The following KCTD3 variants were observed in gnomAD, a reference collection of about 807,000 sequenced individuals.
KCTD3 encodes potassium channel tetramerization domain containing 3, also known as BTB/POZ domain-containing protein KCTD3.
Under a neutral mutation model 85.8 loss-of-function variants are expected in KCTD3, and 41 were observed. That is an observed-to-expected ratio of 0.48 (90% confidence interval 0.37 to 0.62). The LOEUF (loss-of-function observed/expected upper bound fraction) is 0.62, where lower values mean the gene tolerates loss of function less well. KCTD3 is among the 20% of genes least tolerant of loss of function. KCTD3 has a pLI of 0.00. For synonymous variants in KCTD3, 338 were observed against 345.4 expected, an observed-to-expected ratio of 0.98 and a Z score of 0.24; for missense variants, 724 against 989.9, an observed-to-expected ratio of 0.73 and a Z score of 3.60.
intron 3 of KCTD3, among the ~76,000 whole-genome samples, chr1:215,575,324 A>G (rs1659532814): frequency 6.6e-6 from 1 of 151,926 alleles, no homozygotes; most frequent in African/African-American, 2.4e-5. Flanking sequence ...CCTCTTATGT[A>G]TTCTGTGGTG....
intron 9 of KCTD3, among the ~76,000 whole-genome samples, chr1:215,590,309 T>G (rs1016366770): frequency 3.3e-5 from 5 of 152,300 alleles, no homozygotes; most frequent in Admixed American, 6.5e-5. Context: ...TTTGTAAATG[T>G]TTTTTACATA....
chr1:215,586,297 A>T (rs551675062), intron 8 of KCTD3, among the ~76,000 whole-genome samples, 198 bp from the exon 9 acceptor site: 1 of 152,338 alleles, frequency 6.6e-6, no homozygotes, highest in East Asian at 1.9e-4. Context: ...GCAAGTATAC[A>T]ATACCCCAAG....
Position 215,619,227 on chromosome 1 carries a change from A to C in KCTD3, c.1822A>C (p.Thr608Pro). Residue 608 changes from threonine (T) to proline (P), a missense_variant, in exon 17 of 18, where the codon ACT becomes CCT. Thr to Pro is a conservative substitution (Grantham distance 38). Transcript: ENST00000259154. ...QCDLSTSRCA[T>P]PNISPATSVV... Reference sequence around the variant, plus strand: ...TGATTTGAGCACATCTCGCTGTGCTACTCCTAACATCAGTCCAGCAACTTC... The same window carrying C: ...TGATTTGAGCACATCTCGCTGTGCTCCTCCTAACATCAGTCCAGCAACTTC... The C allele has an allele frequency of 6.2e-7, 1 of 1,613,396 alleles. No homozygotes were observed. Among genetic ancestry groups the C allele is most frequent in the East Asian group, 2.2e-5 (1 of 44,880 alleles).
chr1:215,620,586 A>G lies in KCTD3; in HGVS notation c.2416A>G (p.Ser806Gly). The change falls in exon 18 of 18, where the codon AGT (serine) becomes GGT (glycine). Residue 806 changes from serine to glycine, a missense_variant. Transcript: ENST00000259154. Reference sequence around the variant, plus strand: ...TACTCCATCTCCTCGGCATAAAAAAAGTGATTCTTCAGGTCAGGAGTACAG... The same window carrying G: ...TACTCCATCTCCTCGGCATAAAAAAGGTGATTCTTCAGGTCAGGAGTACAG... ...KTTPSPRHKK[S>G]DSSGQEYSL The G allele has an allele frequency of 6.2e-7, 1 of 1,607,416 alleles. No individual in the cohort carries two copies. The highest frequency in any genetic ancestry group is 8.5e-7 in the Non-Finnish European group (1 of 1,177,662).
intron 15 of KCTD3, among the ~76,000 whole-genome samples, chr1:215,617,448 T>G (rs760347795): frequency 3.3e-5 from 5 of 152,150 alleles, no homozygotes; most frequent in Non-Finnish European, 7.4e-5. Flanking sequence ...GACACTTAGC[T>G]GGTGTCTGCT....
Position 215,619,019 on chromosome 1 carries a change from A to G in KCTD3, c.1696A>G (p.Met566Val). 6.2e-7 allele frequency: 1 copy of G among 1,613,958 alleles called. No individual in the cohort carries two copies. Residue 566 changes from methionine (M) to valine (V), a missense_variant, in exon 16 of 18, where the codon ATG becomes GTG. Coordinates refer to ENST00000259154, the MANE Select transcript of KCTD3 (RefSeq NM_016121.5). ...FTGHTNGSIQ[M>V]WDLTTAMDMV... is the part of the protein sequence containing the mutation. The stretch of plus-strand genomic sequence containing the variant: ...AGGCCATACAAATGGCAGTATTCAA[A>G]TGTGGGATCTGACCACTGCTATGGA...
In KCTD3 at chr1:215,620,214, A is replaced by G. The variant is rs764130996; in HGVS notation, c.2044A>G (p.Arg682Gly). 3.5e-5 allele frequency: 57 copies of G among 1,613,790 alleles called. No individual in the cohort carries two copies. Among genetic ancestry groups the G allele is most frequent in the East Asian group, 8.9e-5 (4 of 44,868 alleles). Residue 682 changes from arginine to glycine, a missense_variant, in exon 18 of 18, where the codon AGA (arginine) becomes GGA (glycine). By Grantham distance (125) the Arg-to-Gly change is moderately radical. Coordinates refer to ENST00000259154, the MANE Select transcript of KCTD3 (RefSeq NM_016121.5). ...TATTAATTTGAACAGAAATGTAGAA[A>G]GAGCTGTCCCTGAAAATGGTAACTT... Reference protein sequence around the residue: ...QTINLNRNVERAVPENGNLGP... With the variant: ...QTINLNRNVEGAVPENGNLGP...
chr1:215,589,240 C>T (rs1351243783), intron 9 of KCTD3, among the ~76,000 whole-genome samples: 4 of 151,882 alleles, frequency 2.6e-5, no homozygotes, highest in Non-Finnish European at 4.4e-5. Flanking sequence ...GGCCCAGGCA[C>T]TCAAGCAGTC....
At chr1:215,599,892 G>GAA (rs200797797) in intron 10 of KCTD3, among the ~76,000 whole-genome samples, 10 of 85,140 alleles carry the variant, frequency 1.2e-4, no homozygotes, top group Admixed American at 4.0e-4. Context: ...CTCTTTCATT[G>GAA]AAAAAAAAAA....
intron 1 of KCTD3, among the ~76,000 whole-genome samples, chr1:215,568,443 A>G (rs541831173): frequency 3.5e-5 from 5 of 141,476 alleles, no homozygotes; most frequent in South Asian, 4.8e-4. Context: ...TGGAGTAAAC[A>G]GACTGAATGC....
chr1:215,591,657 A>T (rs1660229150), intron 9 of KCTD3, among the ~76,000 whole-genome samples: 1 of 152,164 alleles, frequency 6.6e-6, no homozygotes, highest in Non-Finnish European at 1.5e-5. Flanking sequence ...CCCGGCCAGC[A>T]GCCTTTCTTT....
chr1:215,587,844 G>A (rs1430615050), intron 9 of KCTD3, among the ~76,000 whole-genome samples: 1 of 152,126 alleles, frequency 6.6e-6, no homozygotes, highest in Non-Finnish European at 1.5e-5. Flanking sequence ...TACTTTGAGT[G>A]GATCTTTTAT....
chr1:215,574,875 A>G (rs905425270), intron 3 of KCTD3, among the ~76,000 whole-genome samples: 1 of 152,228 alleles, frequency 6.6e-6, no homozygotes, highest in African/African-American at 2.4e-5. Flanking sequence ...GATTTACATA[A>G]GCTTTAAAAG....
At chr1:215,615,670 A>T (rs2102606371) in intron 15 of KCTD3, among the ~76,000 whole-genome samples, 1 of 152,106 alleles carries the variant, frequency 6.6e-6, no homozygotes, top group African/African-American at 2.4e-5. Flanking sequence ...GTTCAAAATT[A>T]TGTTTGTTTT....
chr1:215,594,914 G>T (rs71639575), intron 9 of KCTD3, among the ~76,000 whole-genome samples: 2,629 of 152,224 alleles, frequency 0.017, 35 homozygotes, highest in Non-Finnish European at 0.027. Context: ...CCAAGTCTGT[G>T]TGTTCAGATC....
At chr1:215,615,295 G>C (rs1017372676) in intron 15 of KCTD3, among the ~76,000 whole-genome samples, 2 of 152,120 alleles carry the variant, frequency 1.3e-5, no homozygotes, top group Admixed American at 1.3e-4. Flanking sequence ...AAAAAACCTT[G>C]TAGAAAATTT....
In KCTD3 at chr1:215,620,539, C is replaced by T. The variant is rs745515630; in HGVS notation, c.2369C>T (p.Ala790Val). 4 of 1,613,502 alleles carry T rather than the reference C, an allele frequency of 2.5e-6. No individual in the cohort carries two copies. In the South Asian group the frequency reaches 3.3e-5, roughly 13 times the overall value. ...SDGGTDSPGT[A>V]SPSPTKTTPS... is the part of the protein sequence containing the mutation. ...GGAGGAACTGACTCACCTGGTACTGCGTCCCCATCTCCTACAAAGACTACT... is the reference window on the plus strand; with the variant it reads ...GGAGGAACTGACTCACCTGGTACTGTGTCCCCATCTCCTACAAAGACTACT... Residue 790 changes from alanine (A) to valine (V), a missense_variant, in exon 18 of 18, where the codon GCG becomes GTG. Physicochemically the swap from Ala to Val is moderately conservative, Grantham distance 64 (BLOSUM62 0). This residue lies in a region of KCTD3 where 222 missense variants were observed against 217.7 expected (regional missense o/e 1.02). Transcript: ENST00000259154.
chr1:215,579,939 T>C lies in KCTD3; in HGVS notation c.566T>C (p.Ile189Thr). The change falls in exon 8 of 18, where the codon ATA becomes ACA. Residue 189 changes from isoleucine (I) to threonine (T), a missense_variant. By Grantham distance (89) the Ile-to-Thr change is moderately conservative. Transcript: ENST00000259154. ...GFPVDPRKVL[I>T]VAGHHNWIVA... Reference sequence around the variant, plus strand: ...CCTGTGGATCCACGAAAGGTGCTAATAGTAGCTGGCCATCACAACTGGATT... The same window carrying C: ...CCTGTGGATCCACGAAAGGTGCTAACAGTAGCTGGCCATCACAACTGGATT... 1.2e-6 allele frequency: 2 copies of C among 1,613,546 alleles called. No homozygotes were observed. The highest frequency in any genetic ancestry group is 1.7e-6 in the Non-Finnish European group (2 of 1,179,414).
chr1:215,591,340 T>C (rs1213418067), intron 9 of KCTD3, among the ~76,000 whole-genome samples: 1 of 139,836 alleles, frequency 7.2e-6, no homozygotes, highest in South Asian at 2.4e-4. Context: ...CCTTCCTTCC[T>C]TCCTTCTCTC....
Sources: allele counts gnomAD v4.1 joint callset (sites outside exome capture counted in the v4.1 genomes callset), GRCh38; gene constraint gnomAD v4.1.1; regional missense constraint gnomAD v4.1.1; transcripts MANE v1.5; gene names NCBI Gene and HGNC (gene_info 2026-07-23, HGNC 2026-07-21).